The following SLC35F3 variants were observed in gnomAD, a reference collection of about 807,000 sequenced individuals.
The protein encoded by SLC35F3 is putative thiamine transporter SLC35F3.
Under a neutral mutation model 49.9 loss-of-function variants are expected in SLC35F3, and 25 were observed. The ratio of observed to expected loss-of-function variants is 0.50; its 90% CI spans 0.37 to 0.70. SLC35F3 has a LOEUF of 0.70. Among genes scored for constraint, SLC35F3 ranks in the 30% least tolerant of loss-of-function variants. The pLI, the probability that SLC35F3 is intolerant of heterozygous loss-of-function variation, is 0.00. For synonymous variants in SLC35F3, 275 were observed against 265.4 expected (o/e 1.04, Z -0.35); for missense variants, 525 against 639.8 (o/e 0.82, Z 1.94).
At chr1:234,315,910 A>G (rs1028901075) in intron 4 of SLC35F3, among the ~76,000 whole-genome samples, 1 of 152,308 alleles carries the variant, frequency 6.6e-6, no homozygotes, top group African/African-American at 2.4e-5. Flanking sequence ...ACTTTCCATG[A>G]GAGTAATATG....
At chr1:234,070,914 C>T (rs772563279) in intron 2 of SLC35F3, among the ~76,000 whole-genome samples, 26 of 152,128 alleles carry the variant, frequency 1.7e-4, no homozygotes, top group South Asian at 4.1e-4. Context: ...ACTGTTAGAA[C>T]TAGGAAGAAT....
chr1:234,304,034 CTTCCTTCCTTCTTTCT>C, intron 3 of SLC35F3, among the ~76,000 whole-genome samples: 1 of 92,900 alleles, frequency 1.1e-5, no homozygotes, highest in East Asian at 2.4e-4. Flanking sequence ...TCCTTCCTTC[CTTCCTTCCTTCTTTCT>C]TTCCTTCCTT....
At position 234,204,211 on chromosome 1, in the gene SLC35F3, G is replaced by GA. The variant is rs879438246; in HGVS notation, c.284-27197dup. 4.4e-4 allele frequency among the ~76,000 whole-genome samples: 65 copies of GA among 148,088 alleles called. No individual in the cohort carries two copies. In the South Asian group the frequency reaches 7.2e-3, roughly 16 times the overall value. On this transcript the variant is annotated intron_variant, in intron 2 of 7. Transcript: ENST00000366618. ...TATATTCACATCAGTTTATTTTTTA[G>GA]AAAAAAAAATAGAAACGGTGAATAA...
At chr1:234,001,021 C>T (rs932437834) in intron 2 of SLC35F3, among the ~76,000 whole-genome samples, 7 of 152,142 alleles carry the variant, frequency 4.6e-5, no homozygotes, top group Admixed American at 2.6e-4. Flanking sequence ...GAACTTGATC[C>T]GTACAGATGT....
chr1:233,926,937 AC>A (rs1662169491), intron 2 of SLC35F3, among the ~76,000 whole-genome samples: 1 of 152,070 alleles, frequency 6.6e-6, no homozygotes, highest in African/African-American at 2.4e-5. Context: ...TTCACTCCAG[AC>A]CCTGTTTGAC....
At chr1:234,218,704 T>C (rs1419173542) in intron 2 of SLC35F3, among the ~76,000 whole-genome samples, 1 of 152,206 alleles carries the variant, frequency 6.6e-6, no homozygotes, top group East Asian at 1.9e-4. Flanking sequence ...TTTGCACAAC[T>C]GCATTTCATT....
intron 3 of SLC35F3, among the ~76,000 whole-genome samples, chr1:234,297,347 T>C (rs959569420): frequency 1.3e-5 from 2 of 152,232 alleles, no homozygotes; most frequent in African/African-American, 4.8e-5. Context: ...AGGTAATGTC[T>C]GCATTCCCAT....
chr1:233,976,303 C>T (rs948690571), intron 2 of SLC35F3, among the ~76,000 whole-genome samples: 1 of 152,188 alleles, frequency 6.6e-6, no homozygotes, highest in Admixed American at 6.5e-5. Flanking sequence ...ACACAGTTCA[C>T]ATTTTATTCT....
At chr1:234,126,711 TAC>T (rs1481316082) in intron 2 of SLC35F3, among the ~76,000 whole-genome samples, 1 of 152,152 alleles carries the variant, frequency 6.6e-6, no homozygotes, top group Non-Finnish European at 1.5e-5. Context: ...TCTTTTTTGA[TAC>T]AGAGTCTTGC....
chr1:233,966,783 T>G (rs1046930814), intron 2 of SLC35F3, among the ~76,000 whole-genome samples: 4 of 152,148 alleles, frequency 2.6e-5, no homozygotes, highest in African/African-American at 9.7e-5. Flanking sequence ...AAATACAGAT[T>G]TATGGGGGTG....
At chr1:234,143,413 C>G (rs773405088) in intron 2 of SLC35F3, among the ~76,000 whole-genome samples, 9 of 151,844 alleles carry the variant, frequency 5.9e-5, no homozygotes, top group Non-Finnish European at 1.2e-4. Context: ...CTCAGCCTCC[C>G]AAGTAGCTGG....
intron 3 of SLC35F3, among the ~76,000 whole-genome samples, chr1:234,248,027 G>A (rs1314169080): frequency 1.3e-5 from 2 of 152,190 alleles, no homozygotes; most frequent in East Asian, 3.9e-4. Context: ...TGATTGGCTG[G>A]TCCATTGTTT....
intron 2 of SLC35F3, among the ~76,000 whole-genome samples, chr1:234,163,723 A>G (rs1240104268): frequency 6.6e-6 from 1 of 152,200 alleles, no homozygotes; most frequent in Admixed American, 6.5e-5. Context: ...AAACAGCCTT[A>G]TTTTTAAACT....
chr1:234,242,726 T>C (rs996053557), intron 3 of SLC35F3, among the ~76,000 whole-genome samples: 4 of 152,190 alleles, frequency 2.6e-5, no homozygotes, highest in African/African-American at 7.2e-5. Flanking sequence ...CAGGAGTGCA[T>C]CAGAAGCATT....
intron 2 of SLC35F3, among the ~76,000 whole-genome samples, chr1:233,954,021 T>C (rs1348485168): frequency 6.6e-6 from 1 of 151,852 alleles, no homozygotes; most frequent in Non-Finnish European, 1.5e-5. Context: ...TTTTTTTTTT[T>C]TTTGAGACGG....
rs376693980 is a variant in SLC35F3, at chr1:234,231,705, A to G, written c.572A>G (p.Lys191Arg). The change falls in exon 3 of 8, where the codon AAG becomes AGG. Residue 191 changes from lysine to arginine, a missense_variant. Around this residue, in one of 4 missense-constraint regions of SLC35F3, gnomAD observed 216 missense variants for 298.1 expected, o/e 0.72. Coordinates refer to ENST00000366618, the MANE Select transcript of SLC35F3 (RefSeq NM_173508.4). The surrounding 1 kb of genome is among the most constrained non-coding windows in gnomAD (Gnocchi z 5.4). ...TTGTACTACGTGGGGCACGTCTGCA[A>G]GTCCACAGAGAAGCAGTCTGTGAAG... ...FPLYYVGHVC[K>R]STEKQSVKQR... is the part of the protein sequence containing the mutation. 2.5e-6 allele frequency: 4 copies of G among 1,613,440 alleles called. No individual in the cohort carries two copies. The highest frequency in any genetic ancestry group is 3.4e-6 in the Non-Finnish European group (4 of 1,179,636).
intron 2 of SLC35F3, among the ~76,000 whole-genome samples, chr1:234,108,713 A>T (rs1445259552): frequency 1.4e-5 from 1 of 72,918 alleles, no homozygotes; most frequent in African/African-American, 5.2e-5. Flanking sequence ...TATATATATA[A>T]AAGATATATA....
At chr1:234,117,569 G>A (rs1300659644) in intron 2 of SLC35F3, among the ~76,000 whole-genome samples, 2 of 148,350 alleles carry the variant, frequency 1.3e-5, no homozygotes, top group Non-Finnish European at 3.0e-5. Context: ...TCCAGCCTGG[G>A]TGACAGAGTG....
intron 3 of SLC35F3, among the ~76,000 whole-genome samples, chr1:234,271,813 C>T (rs941462542): frequency 6.6e-6 from 1 of 152,136 alleles, no homozygotes; most frequent in African/African-American, 2.4e-5. Flanking sequence ...AGGGATTGAG[C>T]TCCATTTAAG....
Sources: allele counts gnomAD v4.1 joint callset (sites outside exome capture counted in the v4.1 genomes callset), GRCh38; gene constraint gnomAD v4.1.1; regional missense constraint gnomAD v4.1.1; non-coding constraint Gnocchi (gnomAD v3.1); transcripts MANE v1.5; gene names NCBI Gene and HGNC (gene_info 2026-07-23, HGNC 2026-07-21).